Variants in PARD3B observed in about 807,000 individuals in gnomAD.
The protein encoded by PARD3B is par-3 family cell polarity regulator beta, also known as partitioning defective 3 homolog B.
Under a neutral mutation model 130.2 loss-of-function variants are expected in PARD3B, and 103 were observed. The observed-to-expected ratio is 0.79, with a 90% CI of 0.67 to 0.93. The LOEUF (loss-of-function observed/expected upper bound fraction) is 0.93. PARD3B is among the 40% of genes least tolerant of loss of function. The pLI is 0.00. For missense variants in PARD3B, 1,609 were observed against 1,499.2 expected (o/e 1.07, Z -1.21); for synonymous variants, 583 against 553.2 (o/e 1.05, Z -0.76).
At chr2:204,753,868 G>A (rs2040561498) in intron 2 of PARD3B, among the ~76,000 whole-genome samples, 1 of 152,050 alleles carries the variant, frequency 6.6e-6, no homozygotes, top group Non-Finnish European at 1.5e-5. Context: ...GCTGGGCAAC[G>A]TAGTAAGACC....
In PARD3B at chr2:205,230,596, T is replaced by A. The variant is rs2038785682; in HGVS notation, c.2141-15182T>A. Among the ~76,000 whole-genome samples the A allele has an allele frequency of 6.6e-6, 1 of 151,898 alleles. No individual in the cohort carries two copies. Among genetic ancestry groups the A allele is most frequent in the Non-Finnish European group, 1.5e-5 (1 of 67,966 alleles). ...GAGCCGTGAGCTGCACTGCCTGGGGTTGGGGGAGGAGTGGTGCAAGCACTG... is the reference window on the plus strand; with the variant it reads ...GAGCCGTGAGCTGCACTGCCTGGGGATGGGGGAGGAGTGGTGCAAGCACTG... On this transcript the variant is annotated intron_variant, in intron 15 of 22. Transcript: ENST00000406610. This position sits in a 1 kb window ranked among gnomAD's most constrained non-coding sequence, Gnocchi z 4.1.
chr2:205,464,017 G>T (rs1256644663), intron 20 of PARD3B, among the ~76,000 whole-genome samples: 1 of 152,098 alleles, frequency 6.6e-6, no homozygotes, highest in African/African-American at 2.4e-5. Context: ...GAACCCATGG[G>T]ATTTTTAAGA....
intron 19 of PARD3B, among the ~76,000 whole-genome samples, chr2:205,419,924 A>T (rs1298792334): frequency 3.4e-4 from 52 of 152,310 alleles, no homozygotes; most frequent in Non-Finnish European, 2.2e-4. Flanking sequence ...TTCAAAAAAA[A>T]ATCTGTTCAG....
Position 205,616,105 on chromosome 2 carries a change from CACAA to C in PARD3B, c.*297_*300del, listed in dbSNP as rs1330513505. On this transcript the variant is annotated 3_prime_UTR_variant, in exon 23 of 23. Coordinates refer to ENST00000406610, the MANE Select transcript of PARD3B (RefSeq NM_001302769.2). ...AATCAGTGAGAGTGGCAACGGAACA[CACAA>C]ACAACTAATTATGGAACTCTACTCT... The C allele has an allele frequency of 1.3e-5, 5 of 383,748 alleles. No individual in the cohort carries two copies. Among genetic ancestry groups the C allele is most frequent in the Non-Finnish European group, 2.3e-5 (5 of 213,974 alleles). The allele number at this position is 383,748 out of a possible 1,614,324, so 23.8% of individuals were successfully genotyped here. A position where few individuals can be genotyped will look rare whatever the true frequency, so the allele number is the denominator to read the frequency against.
At chr2:204,951,655 A>G (rs889022912) in intron 2 of PARD3B, among the ~76,000 whole-genome samples, 9 of 152,216 alleles carry the variant, frequency 5.9e-5, no homozygotes, top group African/African-American at 1.9e-4. Flanking sequence ...CTACATGTAA[A>G]TAAAATAAGT....
Position 204,807,198 on chromosome 2 carries a change from CAT to C in PARD3B, c.222+120917_222+120918del, listed in dbSNP as rs1307912993. On this transcript the variant is annotated intron_variant, in intron 2 of 22. Coordinates refer to ENST00000406610, the MANE Select transcript of PARD3B (RefSeq NM_001302769.2). ...TACCTCTACCAGATCCCTCCTGTGA[CAT>C]GTGGGGATTATGGGAGCTACAATTC... Among the ~76,000 whole-genome samples the C allele has an allele frequency of 3.3e-5, 5 of 152,242 alleles. No homozygotes were observed. The East Asian group carries it at 7.7e-4, about 24-fold the overall frequency.
intron 13 of PARD3B, among the ~76,000 whole-genome samples, chr2:205,181,366 G>T (rs1481764914): frequency 6.6e-6 from 1 of 152,192 alleles, no homozygotes; most frequent in Non-Finnish European, 1.5e-5. Context: ...ATGTTTATTG[G>T]ATACCTCCAT....
At chr2:205,082,071 ATCTT>A (rs1701450962) in intron 4 of PARD3B, among the ~76,000 whole-genome samples, 2 of 152,144 alleles carry the variant, frequency 1.3e-5, no homozygotes, top group African/African-American at 4.8e-5. Flanking sequence ...TTTAAGTTCC[ATCTT>A]TCTTATTGGA....
intron 16 of PARD3B, among the ~76,000 whole-genome samples, chr2:205,296,877 A>T (rs1123881): frequency 0.098 from 11,804 of 120,676 alleles, 597 homozygotes; most frequent in African/African-American, 0.26. Context: ...ACATCTTTTT[A>T]AAAAAAAAAA....
At chr2:205,607,831 T>TACAG (rs2055060092) in intron 22 of PARD3B, among the ~76,000 whole-genome samples, 1 of 116,190 alleles carries the variant, frequency 8.6e-6, no homozygotes, top group Non-Finnish European at 1.7e-5. Context: ...CCAACACCCA[T>TACAG]ACACACACAC....
intron 22 of PARD3B, among the ~76,000 whole-genome samples, chr2:205,579,507 T>C (rs542839843): frequency 6.6e-6 from 1 of 152,326 alleles, no homozygotes; most frequent in South Asian, 2.1e-4. Flanking sequence ...CGGCAAGCTA[T>C]TGGGACTTTG....
At chr2:205,369,628 A>G (rs1404420130) in intron 18 of PARD3B, among the ~76,000 whole-genome samples, 1 of 152,220 alleles carries the variant, frequency 6.6e-6, no homozygotes, top group Non-Finnish European at 1.5e-5. Flanking sequence ...CCCATTTTTC[A>G]AGACCCAGGT....
At chr2:205,153,015 G>T (rs1363702955) in intron 10 of PARD3B, among the ~76,000 whole-genome samples, 1 of 152,120 alleles carries the variant, frequency 6.6e-6, no homozygotes, top group Non-Finnish European at 1.5e-5. Flanking sequence ...CACTCAGGAC[G>T]CTCAGCTGCA....
At chr2:205,429,859 A>G (rs967844194) in intron 19 of PARD3B, among the ~76,000 whole-genome samples, 9 of 152,166 alleles carry the variant, frequency 5.9e-5, no homozygotes, top group African/African-American at 2.2e-4. Context: ...AGGCTTTGAG[A>G]GAGAATCTGT....
chr2:205,547,444 A>G (rs540291954), intron 21 of PARD3B, among the ~76,000 whole-genome samples: 2 of 152,302 alleles, frequency 1.3e-5, no homozygotes, highest in South Asian at 2.1e-4. Flanking sequence ...AATTTATTAT[A>G]CCATAGTAAT....
intron 2 of PARD3B, among the ~76,000 whole-genome samples, chr2:204,727,046 A>G (rs1370030092): frequency 6.6e-6 from 1 of 152,138 alleles, no homozygotes; most frequent in Admixed American, 6.5e-5. Flanking sequence ...CCTTTGATTC[A>G]TTGAAACTCT....
At chr2:204,958,439 G>A (rs141870391) in intron 2 of PARD3B, among the ~76,000 whole-genome samples, 1 of 152,178 alleles carries the variant, frequency 6.6e-6, no homozygotes, top group Non-Finnish European at 1.5e-5. Context: ...ATAGAGTACT[G>A]TATTGTCTAA....
chr2:204,653,939 C>A lies in PARD3B; in HGVS notation c.121-32242C>A, dbSNP rs558581585. Among the ~76,000 whole-genome samples the A allele has an allele frequency of 4.6e-5, 7 of 151,284 alleles. No individual in the cohort carries two copies. In the South Asian group the frequency reaches 1.2e-3, roughly 27 times the overall value. Reference sequence around the variant, plus strand: ...ACAACGTACACTATTTCCCCAGATACAAATGTACATTTATGAACATGCATA... The same window carrying A: ...ACAACGTACACTATTTCCCCAGATAAAAATGTACATTTATGAACATGCATA... On this transcript the variant is annotated intron_variant, in intron 1 of 22. Coordinates refer to ENST00000406610, the MANE Select transcript of PARD3B (RefSeq NM_001302769.2).
rs1276996245 is a variant in PARD3B at position 204,831,638 on chromosome 2, G to A, written c.223-133514G>A. The stretch of plus-strand genomic sequence containing the variant: ...AAACCAGATCTATTGAATTTACTTG[G>A]TTTATTTTTGTATATATTTGGCATC... On this transcript the variant is annotated intron_variant, in intron 2 of 22. Transcript: ENST00000406610. Among the ~76,000 whole-genome samples the A allele has an allele frequency of 2.0e-5, 3 of 152,048 alleles. No homozygotes were observed. In the East Asian group the frequency reaches 5.8e-4, roughly 29 times the overall value.
Sources: allele counts gnomAD v4.1 joint callset (sites outside exome capture counted in the v4.1 genomes callset), GRCh38; gene constraint gnomAD v4.1.1; non-coding constraint Gnocchi (gnomAD v3.1); transcripts MANE v1.5; gene names NCBI Gene and HGNC (gene_info 2026-07-23, HGNC 2026-07-21).